Variants in ADCY2 observed in about 807,000 individuals in gnomAD.
The protein encoded by ADCY2 is adenylate cyclase type 2.
Under a neutral mutation model 125.2 loss-of-function variants are expected in ADCY2, and 31 were observed. The ratio of observed to expected loss-of-function variants is 0.25; its 90% CI spans 0.19 to 0.33. ADCY2 has a LOEUF of 0.33. Among genes scored for constraint, ADCY2 ranks in the 10% least tolerant of loss-of-function variants. The probability of loss-of-function intolerance (pLI) is 1.00; values close to 1 mark genes in which losing one functional copy is unlikely to be tolerated. For missense variants in ADCY2, 904 were observed against 1,418.2 expected (o/e 0.64, Z 5.82); for synonymous variants, 512 against 548.4 (o/e 0.93, Z 0.93).
At chr5:7,656,347 C>T (rs1579283907) in intron 4 of ADCY2, among the ~76,000 whole-genome samples, 1 of 152,328 alleles carries the variant, frequency 6.6e-6, no homozygotes, top group East Asian at 1.9e-4. Context: ...AGCCACGGCA[C>T]CCGGCCAACT....
chr5:7,734,263 G>T (rs1189892966), intron 14 of ADCY2, among the ~76,000 whole-genome samples: 2 of 152,166 alleles, frequency 1.3e-5, no homozygotes, highest in Non-Finnish European at 2.9e-5. Context: ...TATTTACCCA[G>T]AGAGATAGCT....
chr5:7,433,953 C>T (rs1740703389), intron 2 of ADCY2, among the ~76,000 whole-genome samples: 1 of 152,048 alleles, frequency 6.6e-6, no homozygotes, highest in Non-Finnish European at 1.5e-5. Context: ...CATTAAAATA[C>T]AAATTAGTTA....
chr5:7,501,209 G>C (rs1743554688), intron 2 of ADCY2, among the ~76,000 whole-genome samples: 1 of 150,552 alleles, frequency 6.6e-6, no homozygotes, highest in Admixed American at 6.6e-5. Context: ...GTTTTGTTTA[G>C]TGCTTGTTCT....
chr5:7,802,331 G>A lies in ADCY2; in HGVS notation c.2742G>A (p.Arg914=). The A allele has an allele frequency of 1.9e-6, 3 of 1,614,182 alleles. No individual in the cohort carries two copies. Among genetic ancestry groups the A allele is most frequent in the Non-Finnish European group, 2.5e-6 (3 of 1,180,036 alleles). Reference sequence around the variant, plus strand: ...ACAAGGAGGGCTTGGAATGCCTTCGGCTCCTGAACGAGATCATCGCTGACT... The same window carrying A: ...ACAAGGAGGGCTTGGAATGCCTTCGACTCCTGAACGAGATCATCGCTGACT... ...DVNKEGLECL[R]LLNEIIADFD... The change falls in exon 21 of 25, where the codon CGG becomes CGA. Residue 914 remains arginine, a synonymous_variant. Transcript: ENST00000338316. This position sits in a 1 kb window ranked among gnomAD's most constrained non-coding sequence, Gnocchi z 4.6.
chr5:7,459,044 T>C (rs1741814143), intron 2 of ADCY2, among the ~76,000 whole-genome samples: 2 of 152,174 alleles, frequency 1.3e-5, no homozygotes, highest in South Asian at 4.1e-4. Context: ...GGTCTGTGCG[T>C]TGGCTGGGAT....
At chr5:7,641,695 A>T (rs1343634610) in intron 4 of ADCY2, among the ~76,000 whole-genome samples, 5 of 152,036 alleles carry the variant, frequency 3.3e-5, no homozygotes, top group Non-Finnish European at 7.4e-5. Context: ...TCCCTCTAGT[A>T]GTCCCAGTGT....
intron 24 of ADCY2, among the ~76,000 whole-genome samples, chr5:7,822,081 G>A (rs1006288358): frequency 6.6e-5 from 10 of 152,162 alleles, no homozygotes; most frequent in Admixed American, 3.9e-4. Flanking sequence ...CCAGTATTCG[G>A]AAGAAAGAAG....
At chr5:7,623,841 CAA>C (rs1485713998) in intron 3 of ADCY2, among the ~76,000 whole-genome samples, 2 of 152,176 alleles carry the variant, frequency 1.3e-5, no homozygotes, top group African/African-American at 2.4e-5. Context: ...AGATTACACA[CAA>C]GTTATATGCA....
intron 3 of ADCY2, among the ~76,000 whole-genome samples, chr5:7,597,970 A>G (rs2126632230): frequency 6.6e-6 from 1 of 152,278 alleles, no homozygotes; most frequent in African/African-American, 2.4e-5. Context: ...CCAGTGGGCA[A>G]TCCAGCCCCC....
At chr5:7,465,027 G>A (rs1199259246) in intron 2 of ADCY2, among the ~76,000 whole-genome samples, 2 of 152,108 alleles carry the variant, frequency 1.3e-5, no homozygotes, top group South Asian at 2.1e-4. Context: ...AGTGAAAGGG[G>A]TTTCCCCTTA....
intron 1 of ADCY2, among the ~76,000 whole-genome samples, chr5:7,407,484 A>G (rs1408549832): frequency 1.3e-5 from 2 of 152,096 alleles, no homozygotes; most frequent in African/African-American, 2.4e-5. Flanking sequence ...AGAGAGAGAG[A>G]GAGAGCGAGC....
intron 2 of ADCY2, among the ~76,000 whole-genome samples, chr5:7,495,454 T>A (rs928442431): frequency 4.4e-4 from 67 of 152,240 alleles, no homozygotes; most frequent in African/African-American, 1.6e-3. Context: ...CGGGATATTA[T>A]TGCAGAAGAA....
At chr5:7,643,663 T>G (rs1738789548) in intron 4 of ADCY2, among the ~76,000 whole-genome samples, 1 of 152,110 alleles carries the variant, frequency 6.6e-6, no homozygotes, top group South Asian at 2.1e-4. Context: ...CATTTTGATT[T>G]ACTTCCAAAT....
intron 3 of ADCY2, among the ~76,000 whole-genome samples, chr5:7,583,181 T>A (rs190455067): frequency 6.6e-6 from 1 of 152,104 alleles, no homozygotes; most frequent in East Asian, 1.9e-4. Flanking sequence ...ACATTTAAGA[T>A]GTATTTAAAA....
rs568349804 is a variant in ADCY2 at position 7,438,572 on chromosome 5, C to G, written c.408+23802C>G. Among the ~76,000 whole-genome samples the G allele has an allele frequency of 3.9e-5, 6 of 152,238 alleles. No homozygotes were observed. In the South Asian group the frequency reaches 1.2e-3, roughly 32 times the overall value. On this transcript the variant is annotated intron_variant, in intron 2 of 24. Coordinates refer to ENST00000338316, the MANE Select transcript of ADCY2 (RefSeq NM_020546.3). ...GGGGTGTGGCTGTGGTTTAGGGGGACAGCAGGGAGGTGTGAGTGCTGGAGC... is the reference window on the plus strand; with the variant it reads ...GGGGTGTGGCTGTGGTTTAGGGGGAGAGCAGGGAGGTGTGAGTGCTGGAGC...
Position 7,774,596 on chromosome 5 carries a change from G to A in ADCY2, c.2384+1495G>A, listed in dbSNP as rs1355407437. The stretch of plus-strand genomic sequence containing the variant: ...TTGCTTCTGGGGACCTCAGTGGGGC[G>A]CTTGAAGAGATAATCTCTGAATGGA... On this transcript the variant is annotated intron_variant, in intron 18 of 24. Transcript: ENST00000338316. Among the ~76,000 whole-genome samples the A allele has an allele frequency of 3.9e-5, 6 of 152,298 alleles. No homozygotes were observed. In the South Asian group the frequency reaches 1.0e-3, roughly 26 times the overall value.
intron 3 of ADCY2, among the ~76,000 whole-genome samples, chr5:7,556,212 A>G (rs541525740): frequency 2.0e-5 from 3 of 152,296 alleles, no homozygotes; most frequent in Non-Finnish European, 4.4e-5. Context: ...AAATTTTTAC[A>G]CATATTGATT....
intron 2 of ADCY2, among the ~76,000 whole-genome samples, chr5:7,468,867 A>C (rs1742227004): frequency 6.6e-6 from 1 of 152,140 alleles, no homozygotes; most frequent in Admixed American, 6.5e-5. Flanking sequence ...CCTTCAAAAA[A>C]TGTTTGAGTA....
chr5:7,754,922 G>T (rs999956610), intron 15 of ADCY2, among the ~76,000 whole-genome samples: 1 of 152,026 alleles, frequency 6.6e-6, no homozygotes, highest in African/African-American at 2.4e-5. Flanking sequence ...ACGGAACACA[G>T]ATCTGACTGT....
Sources: gnomAD v4.1 joint callset for allele counts (sites outside exome capture counted in the v4.1 genomes callset) on GRCh38, gnomAD v4.1.1 for gene constraint, Gnocchi (gnomAD v3.1) non-coding constraint, MANE v1.5 for transcripts, NCBI Gene and HGNC (gene_info 2026-07-23, HGNC 2026-07-21) for gene names.